Variants in RALGPS2 observed in about 807,000 individuals in gnomAD.
The protein encoded by RALGPS2 is ras-specific guanine nucleotide-releasing factor RalGPS2.
In RALGPS2, 43 loss-of-function variants were observed where a neutral mutation model predicts 86.8. The ratio of observed to expected loss-of-function variants is 0.50; its 90% CI spans 0.39 to 0.64. The LOEUF is 0.64. RALGPS2 is among the 30% of genes least tolerant of loss of function. The pLI is 0.00. For synonymous variants in RALGPS2, 243 were observed against 231.3 expected (o/e 1.05, Z -0.46); for missense variants, 536 against 694.6 (o/e 0.77, Z 2.57).
intron 12 of RALGPS2, chr1:178,885,747 C>T (rs975119229): frequency 2.6e-5 from 9 of 347,970 alleles, no homozygotes; most frequent in East Asian, 9.9e-5. Context: ...TAAACGGACA[C>T]GAGGCTTAAA....
At chr1:178,867,799 A>G (rs1270272352) in intron 8 of RALGPS2, among the ~76,000 whole-genome samples, 1 of 151,986 alleles carries the variant, frequency 6.6e-6, no homozygotes, top group Admixed American at 6.6e-5. Context: ...TATATATCTA[A>G]CCTATGATTA....
At chr1:178,833,983 T>G (rs1299871505) in intron 8 of RALGPS2, among the ~76,000 whole-genome samples, 1 of 152,162 alleles carries the variant, frequency 6.6e-6, no homozygotes, top group African/African-American at 2.4e-5. Flanking sequence ...AATGAGTTGA[T>G]TCACTGTGGC....
chr1:178,730,889 CG>C (rs1650308567), intron 1 of RALGPS2, among the ~76,000 whole-genome samples: 2 of 151,654 alleles, frequency 1.3e-5, no homozygotes, highest in Non-Finnish European at 2.9e-5. Context: ...TTAGGAGAGA[CG>C]GGGTTTCTCC....
chr1:178,916,013 T>C (rs1046039486), intron 19 of RALGPS2, among the ~76,000 whole-genome samples: 2 of 152,218 alleles, frequency 1.3e-5, no homozygotes, highest in African/African-American at 4.8e-5. Context: ...AGAGTCATAC[T>C]TACTCTTGCT....
chr1:178,833,388 T>C, intron 7 of RALGPS2, 36 bp from the exon 8 acceptor site: 1 of 1,460,572 alleles, frequency 6.8e-7, no homozygotes, highest in South Asian at 1.5e-5. Flanking sequence ...AAAATGAGAT[T>C]TGTAAATAAC....
chr1:178,734,244 C>G (rs1192701836), intron 1 of RALGPS2, among the ~76,000 whole-genome samples: 1 of 152,202 alleles, frequency 6.6e-6, no homozygotes, highest in Non-Finnish European at 1.5e-5. Flanking sequence ...TTGGGATCCT[C>G]ATACACTTGT....
At chr1:178,863,707 A>G (rs554322560) in intron 8 of RALGPS2, among the ~76,000 whole-genome samples, 17 of 152,342 alleles carry the variant, frequency 1.1e-4, no homozygotes, top group Middle Eastern at 3.4e-3. Context: ...AAAATACTCT[A>G]AAGTAGAATA....
chr1:178,760,979 CT>C lies in RALGPS2; in HGVS notation c.-83-15686del, dbSNP rs200598214. 9.4e-3 allele frequency among the ~76,000 whole-genome samples: 1,295 copies of C among 137,974 alleles called. 12 individuals carry two copies. Among genetic ancestry groups the C allele is most frequent in the African/African-American group, 0.028 (1,036 of 37,186 alleles). 90.5% of individuals were successfully genotyped at this position (137,974 alleles called of 152,430 possible). A position where few individuals can be genotyped will look rare whatever the true frequency, so the allele number is the denominator to read the frequency against. On this transcript the variant is annotated intron_variant, in intron 1 of 19. Coordinates refer to ENST00000367635, the MANE Select transcript of RALGPS2 (RefSeq NM_152663.5). Reference sequence around the variant, plus strand: ...TCCCATATTTCTCCAAGACTTTATTCTTTTTTTTTTTTTTTTTGAGAGTCTT... The same window carrying C: ...TCCCATATTTCTCCAAGACTTTATTCTTTTTTTTTTTTTTTTGAGAGTCTT...
intron 1 of RALGPS2, among the ~76,000 whole-genome samples, chr1:178,744,075 A>G (rs1344155712): frequency 2.0e-5 from 3 of 152,218 alleles, no homozygotes; most frequent in African/African-American, 4.8e-5. Flanking sequence ...CTACACAGAA[A>G]TAACTCACAT....
chr1:178,906,986 C>T, intron 19 of RALGPS2, 119 bp downstream of exon 19: 1 of 855,078 alleles, frequency 1.2e-6, no homozygotes, highest in Non-Finnish European at 1.8e-6. Context: ...TGTTTTTATT[C>T]TTGTTGATTA....
intron 1 of RALGPS2, among the ~76,000 whole-genome samples, chr1:178,727,003 A>G (rs891547166): frequency 6.6e-6 from 1 of 152,248 alleles, no homozygotes; most frequent in African/African-American, 2.4e-5. Flanking sequence ...TCCAAACAGT[A>G]TTATTTTAAC....
Position 178,761,229 on chromosome 1 carries a change from G to A in RALGPS2, c.-83-15453G>A, listed in dbSNP as rs111321570. Among the ~76,000 whole-genome samples the A allele has an allele frequency of 4.9e-3, 749 of 152,122 alleles. 6 individuals carry two copies. Among genetic ancestry groups the A allele is most frequent in the African/African-American group, 0.016 (681 of 41,524 alleles). On this transcript the variant is annotated intron_variant, in intron 1 of 19. Transcript: ENST00000367635. ...GGCCTCAAGTGATCTGCCCACCTTG[G>A]CCTCCCAAAGTGCTGGGATTACAAA...
At chr1:178,788,487 T>C (rs919926487) in intron 4 of RALGPS2, among the ~76,000 whole-genome samples, 2 of 152,054 alleles carry the variant, frequency 1.3e-5, no homozygotes, top group Non-Finnish European at 2.9e-5. Flanking sequence ...CAACTTTAGA[T>C]AGGATGATCA....
Position 178,776,761 on chromosome 1 carries a change from A to G in RALGPS2, c.-4A>G. 6.2e-7 allele frequency: 1 copy of G among 1,612,016 alleles called. No individual in the cohort carries two copies. The highest frequency in any genetic ancestry group is 8.5e-7 in the Non-Finnish European group (1 of 1,178,724). The stretch of plus-strand genomic sequence containing the variant: ...ACATAAGGTCAGGGACTGATGAGGA[A>G]AGCATGGACCTAATGAACGGGCAGG... On this transcript the variant is annotated 5_prime_UTR_variant, in exon 2 of 20. Transcript: ENST00000367635.
chr1:178,769,531 G>T (rs78403358), intron 1 of RALGPS2, among the ~76,000 whole-genome samples: 16 of 152,162 alleles, frequency 1.1e-4, no homozygotes, highest in South Asian at 8.3e-4. Flanking sequence ...TGAAGGGTAG[G>T]GTGGCCCAGG....
At chr1:178,738,743 T>A (rs924505521) in intron 1 of RALGPS2, among the ~76,000 whole-genome samples, 1 of 152,184 alleles carries the variant, frequency 6.6e-6, no homozygotes, top group African/African-American at 2.4e-5. Context: ...TCAGCTTTTT[T>A]ATTTGTAATT....
At chr1:178,725,693 C>T (rs10913620) in intron 1 of RALGPS2, 79,142 of 151,816 alleles carry the variant, frequency 0.52, 21,888 homozygotes, top group East Asian at 0.71. Context: ...GGGGCGCCGT[C>T]CTGAAGCCGG....
intron 1 of RALGPS2, chr1:178,747,869 A>T: frequency 1.8e-6 from 1 of 569,204 alleles, no homozygotes; most frequent in Admixed American, 3.1e-5. Context: ...GTTACTAAAT[A>T]AATGGGAATT....
At position 178,777,381 on chromosome 1, in the gene RALGPS2, G is replaced by C. The variant is rs1335520479; in HGVS notation, c.57+560G>C. The stretch of plus-strand genomic sequence containing the variant: ...AGGAGAACTACAAACCACTGCTCAA[G>C]GAAATAAAAGAGGATACAAACAAAT... On this transcript the variant is annotated intron_variant, in intron 2 of 19. Coordinates refer to ENST00000367635, the MANE Select transcript of RALGPS2 (RefSeq NM_152663.5). Among the ~76,000 whole-genome samples, 892 of 151,876 alleles carry C rather than the reference G, an allele frequency of 5.9e-3. 7 individuals are homozygous for C. Among genetic ancestry groups the C allele is most frequent in the African/African-American group, 0.02 (821 of 41,420 alleles).
Sources: allele counts gnomAD v4.1 joint callset (sites outside exome capture counted in the v4.1 genomes callset), GRCh38; gene constraint gnomAD v4.1.1; transcripts MANE v1.5; gene names NCBI Gene and HGNC (gene_info 2026-07-23, HGNC 2026-07-21).